The following DENND4B variants were observed in gnomAD, a reference collection of about 807,000 sequenced individuals.
DENND4B encodes DENN domain-containing protein 4B.
In DENND4B, 67 loss-of-function variants were observed where a neutral mutation model predicts 161.0. The ratio of observed to expected loss-of-function variants is 0.42; its 90% CI spans 0.34 to 0.51. The LOEUF (loss-of-function observed/expected upper bound fraction) is 0.51, where lower values mean the gene tolerates loss of function less well. Among genes scored for constraint, DENND4B ranks in the 20% least tolerant of loss-of-function variants. The probability of loss-of-function intolerance (pLI) is 0.08; values close to 1 mark genes in which losing one functional copy is unlikely to be tolerated. For missense variants in DENND4B, 1,481 were observed against 1,968.0 expected, an observed-to-expected ratio of 0.75 and a Z score of 4.68; for synonymous variants, 753 against 813.8, an observed-to-expected ratio of 0.93 and a Z score of 1.27.
chr1:153,944,283 A>G lies in DENND4B; in HGVS notation c.92T>C (p.Val31Ala). The change falls in exon 2 of 28, where the codon GTT becomes GCT. Residue 31 changes from valine (V) to alanine (A), a missense_variant. Val to Ala is a moderately conservative substitution (Grantham distance 64, BLOSUM62 0). Transcript: ENST00000361217. This position sits in a 1 kb window ranked among gnomAD's most constrained non-coding sequence, Gnocchi z 4.8. ...NGAPIPEETW[V>A]PEPSGPLRPP... ...GCGCAGGGGCCCACTGGGTTCAGGA[A>G]CCCACGTTTCCTCAGGGATGGGTGC... The G allele has an allele frequency of 6.2e-7, 1 of 1,603,624 alleles. No homozygotes were observed. Among genetic ancestry groups the G allele is most frequent in the Non-Finnish European group, 8.5e-7 (1 of 1,174,156 alleles).
Position 153,944,240 on chromosome 1 carries a change from C to A in DENND4B, c.135G>T (p.Glu45Asp), listed in dbSNP as rs1679840339. ...SGPLRPPRPA[E>D]PITDVAVIAR... ...CGATGACTGCCACATCTGTGATGGG[C>A]TCAGCTGGCCGGGGAGGGCGCAGGG... Residue 45 changes from glutamate (E) to aspartate (D), a missense_variant, in exon 2 of 28, where the codon GAG becomes GAT. By Grantham distance (45) the Glu-to-Asp change is conservative (BLOSUM62 2). This residue lies in a region of DENND4B where 806 missense variants were observed against 1,134.4 expected (regional missense o/e 0.71). Coordinates refer to ENST00000361217, the MANE Select transcript of DENND4B (RefSeq NM_014856.3). The surrounding 1 kb of genome is among the most constrained non-coding windows in gnomAD (Gnocchi z 4.8). 1 of 1,602,432 alleles carries A rather than the reference C, an allele frequency of 6.2e-7. No individual in the cohort carries two copies. The highest frequency in any genetic ancestry group is 1.3e-5 in the African/African-American group (1 of 74,800).
intron 13 of DENND4B, 88 bp downstream of exon 13, chr1:153,938,812 G>A: frequency 2.8e-6 from 4 of 1,422,660 alleles, no homozygotes; most frequent in Non-Finnish European, 3.9e-6. Context: ...CCCTGAACAT[G>A]CCCGATTCCG....
chr1:153,934,683 G>A lies in DENND4B; in HGVS notation c.2773+77C>T. 1.3e-6 allele frequency: 2 copies of A among 1,534,744 alleles called. No homozygotes were observed. The highest frequency in any genetic ancestry group is 4.2e-4 in the Middle Eastern group (2 of 4,732). ...AAACCCAATGCCAACCATTAGACCA[G>A]CCCCAACTCTCTATGCCTTTCCCTG... On this transcript the variant is annotated intron_variant, in intron 18 of 27. Coordinates refer to ENST00000361217, the MANE Select transcript of DENND4B (RefSeq NM_014856.3). The surrounding 1 kb of genome is among the most constrained non-coding windows in gnomAD (Gnocchi z 5.3).
In DENND4B at chr1:153,931,206, A is replaced by G. The variant is rs1678905030; in HGVS notation, c.3997-142T>C. ...AGTGGGAAAGGAATTCTTATCCCCC[A>G]CAAGAATGTAAGCTCTTGAGAGCAG... On this transcript the variant is annotated intron_variant, in intron 24 of 27. Transcript: ENST00000361217. The G allele has an allele frequency of 1.7e-5, 12 of 695,304 alleles. No homozygotes were observed. The East Asian group carries it at 3.3e-4, about 19-fold the overall frequency. 43.1% of individuals were successfully genotyped at this position (695,304 alleles called of 1,614,324 possible). A position where few individuals can be genotyped will look rare whatever the true frequency, so the allele number is the denominator to read the frequency against.
intron 12 of DENND4B, among the ~76,000 whole-genome samples, 156 bp from the exon 13 acceptor site, chr1:153,939,201 C>T (rs565903927): frequency 6.6e-6 from 1 of 152,152 alleles, no homozygotes. Context: ...ACCAGGCTGA[C>T]CAGCTCAGCA....
At chr1:153,939,901 G>C (rs1295814838) in intron 11 of DENND4B, 97 bp from the exon 12 acceptor site, 1 of 1,243,720 alleles carries the variant, frequency 8.0e-7, no homozygotes, top group African/African-American at 1.5e-5. Context: ...GCCTCTGGCA[G>C]ACCTTGCACC....
rs373354599 is a variant in DENND4B at position 153,930,722 on chromosome 1, C to T, written c.4250G>A (p.Gly1417Glu). ...KAVGLLLETLGPPPTGLHLQR... is the reference protein window; with the variant it reads ...KAVGLLLETLEPPPTGLHLQR... Reference sequence around the variant, plus strand: ...CAGGTGCAGGCCAGTGGGTGGGGGCCCTAGAGTTTCCAGCAGGAGCCCCAC... The same window carrying T: ...CAGGTGCAGGCCAGTGGGTGGGGGCTCTAGAGTTTCCAGCAGGAGCCCCAC... The change falls in exon 26 of 28, where the codon GGG becomes GAG. Residue 1417 changes from glycine to glutamate, a missense_variant. Gly to Glu is a moderately conservative substitution (Grantham distance 98). Around this residue, in one of 3 missense-constraint regions of DENND4B, gnomAD observed 336 missense variants for 503.3 expected, o/e 0.67. Coordinates refer to ENST00000361217, the MANE Select transcript of DENND4B (RefSeq NM_014856.3). This position sits in a 1 kb window ranked among gnomAD's most constrained non-coding sequence, Gnocchi z 4.7. 4.3e-6 allele frequency: 7 copies of T among 1,611,508 alleles called. No homozygotes were observed. Among genetic ancestry groups the T allele is most frequent in the Non-Finnish European group, 3.4e-6 (4 of 1,178,664 alleles).
Position 153,940,114 on chromosome 1 carries a change from C to G in DENND4B, c.1603+42G>C. 6.7e-7 allele frequency: 1 copy of G among 1,492,890 alleles called. No individual in the cohort carries two copies. The highest frequency in any genetic ancestry group is 1.3e-5 in the South Asian group (1 of 74,988). 92.5% of individuals were successfully genotyped at this position (1,492,890 alleles called of 1,614,324 possible). A position where few individuals can be genotyped will look rare whatever the true frequency, so the allele number is the denominator to read the frequency against. On this transcript the variant is annotated intron_variant, in intron 11 of 27. Coordinates refer to ENST00000361217, the MANE Select transcript of DENND4B (RefSeq NM_014856.3). The surrounding 1 kb of genome is among the most constrained non-coding windows in gnomAD (Gnocchi z 5.6). ...CCTCTGCAAACTGGAGGTTTGAGGG[C>G]AATGACAGTTCCCAGCCTCCCTCCC...
rs1368663618 is a variant in DENND4B, at chr1:153,937,303, A to G, written c.2232+185T>C. On this transcript the variant is annotated intron_variant, in intron 15 of 27. Coordinates refer to ENST00000361217, the MANE Select transcript of DENND4B (RefSeq NM_014856.3). This position sits in a 1 kb window ranked among gnomAD's most constrained non-coding sequence, Gnocchi z 4.7. ...GAAGACGGAGGTGATGATGATGATG[A>G]TAATGACAGTGATAATAGCAACTAA... Among the ~76,000 whole-genome samples, 1 of 152,252 alleles carries G rather than the reference A, an allele frequency of 6.6e-6. No homozygotes were observed. The highest frequency in any genetic ancestry group is 1.5e-5 in the Non-Finnish European group (1 of 68,048).
At position 153,932,258 on chromosome 1, in the gene DENND4B, G is replaced by A. The variant is rs764755142; in HGVS notation, c.3942C>T (p.Pro1314=). The change falls in exon 24 of 28, where the codon CCC becomes CCT. Residue 1314 remains proline, a synonymous_variant. Transcript: ENST00000361217. This position sits in a 1 kb window ranked among gnomAD's most constrained non-coding sequence, Gnocchi z 5.8. ...CCAGCACCAGGCCTGGTAGAATACTGGGCAGGCGTAGCCGTTGGAAATACC... is the reference window on the plus strand; with the variant it reads ...CCAGCACCAGGCCTGGTAGAATACTAGGCAGGCGTAGCCGTTGGAAATACC... ...LLWYFQRLRL[P]SILPGLVLAS... is the part of the protein sequence containing the mutation. 10 of 1,613,862 alleles carry A rather than the reference G, an allele frequency of 6.2e-6. No homozygotes were observed. The highest frequency in any genetic ancestry group is 5.1e-6 in the Non-Finnish European group (6 of 1,179,888).
intron 12 of DENND4B, among the ~76,000 whole-genome samples, 193 bp from the exon 13 acceptor site, chr1:153,939,238 C>A (rs1679529773): frequency 6.6e-6 from 1 of 151,976 alleles, no homozygotes; most frequent in Non-Finnish European, 1.5e-5. Flanking sequence ...CCTAGAGAAT[C>A]CCTCCCTTTG....
Position 153,934,687 on chromosome 1 carries a change from C to T in DENND4B, c.2773+73G>A. 1 of 1,539,318 alleles carries T rather than the reference C, an allele frequency of 6.5e-7. No individual in the cohort carries two copies. The highest frequency in any genetic ancestry group is 8.7e-7 in the Non-Finnish European group (1 of 1,143,420). On this transcript the variant is annotated intron_variant, in intron 18 of 27. Transcript: ENST00000361217. This position sits in a 1 kb window ranked among gnomAD's most constrained non-coding sequence, Gnocchi z 5.3. ...CCAATGCCAACCATTAGACCAGCCC[C>T]AACTCTCTATGCCTTTCCCTGCCTG...
Position 153,934,830 on chromosome 1 carries a change from T to TGCTGCTGC in DENND4B, c.2702_2703insGCAGCAGC (p.Gln904HisfsTer48), listed in dbSNP as rs375088543. The TGCTGCTGC allele has an allele frequency of 2.2e-4, 285 of 1,285,122 alleles. No individual in the cohort carries two copies. The highest frequency in any genetic ancestry group is 1.9e-3 in the South Asian group (145 of 76,098). The allele number at this position is 1,285,122 out of a possible 1,614,324, so 79.6% of individuals were successfully genotyped here. On this transcript the variant is annotated frameshift_variant, in exon 18 of 28. Coordinates refer to ENST00000361217, the MANE Select transcript of DENND4B (RefSeq NM_014856.3). LOFTEE classifies it high-confidence loss of function. This position sits in a 1 kb window ranked among gnomAD's most constrained non-coding sequence, Gnocchi z 5.3. ...GCTGCTGCTGCTGCTGCTGCTGCTG[T>TGCTGCTGC]TGCTGCTGCTGCTGCTGTTGCCGTT...
Position 153,944,384 on chromosome 1 carries a change from C to G in DENND4B, c.-10G>C. 1 of 1,599,332 alleles carries G rather than the reference C, an allele frequency of 6.3e-7. No individual in the cohort carries two copies. The highest frequency in any genetic ancestry group is 8.5e-7 in the Non-Finnish European group (1 of 1,173,636). ...GCCGCTCCTCCGCCATGGCCCCCCC[C>G]TCACTCACTGCATCTGGAATGGTCA... On this transcript the variant is annotated 5_prime_UTR_variant, in exon 2 of 28. Transcript: ENST00000361217. This position sits in a 1 kb window ranked among gnomAD's most constrained non-coding sequence, Gnocchi z 4.8.
Position 153,935,110 on chromosome 1 carries a change from C to T in DENND4B, c.2569-146G>A, listed in dbSNP as rs892680017. On this transcript the variant is annotated intron_variant, in intron 17 of 27. Coordinates refer to ENST00000361217, the MANE Select transcript of DENND4B (RefSeq NM_014856.3). Reference sequence around the variant, plus strand: ...GTCCGGCCAATGGCTCAGCCAGGAACAAGAGCCCAGAAGAGACAGTAGGCA... The same window carrying T: ...GTCCGGCCAATGGCTCAGCCAGGAATAAGAGCCCAGAAGAGACAGTAGGCA... 9.0e-6 allele frequency: 13 copies of T among 1,443,290 alleles called. No homozygotes were observed. In the African/African-American group the frequency reaches 1.4e-4, roughly 16 times the overall value. The allele number at this position is 1,443,290 out of a possible 1,614,324, so 89.4% of individuals were successfully genotyped here. A position where few individuals can be genotyped will look rare whatever the true frequency, so the allele number is the denominator to read the frequency against.
chr1:153,933,389 C>T lies in DENND4B; in HGVS notation c.3331-70G>A. 1 of 1,608,190 alleles carries T rather than the reference C, an allele frequency of 6.2e-7. No individual in the cohort carries two copies. The highest frequency in any genetic ancestry group is 1.3e-5 in the African/African-American group (1 of 74,862). ...CCACCCAGGATATGTGTTTCAAGCACCCCTCAGAGCCCCCTTTTTGAGCAT... is the reference window on the plus strand; with the variant it reads ...CCACCCAGGATATGTGTTTCAAGCATCCCTCAGAGCCCCCTTTTTGAGCAT... On this transcript the variant is annotated intron_variant, in intron 20 of 27. Transcript: ENST00000361217. The surrounding 1 kb of genome is among the most constrained non-coding windows in gnomAD (Gnocchi z 5.7).
chr1:153,940,405 C>T lies in DENND4B; in HGVS notation c.1502+26G>A. The T allele has an allele frequency of 6.2e-7, 1 of 1,606,162 alleles. No homozygotes were observed. The highest frequency in any genetic ancestry group is 8.5e-7 in the Non-Finnish European group (1 of 1,175,874). On this transcript the variant is annotated intron_variant, in intron 10 of 27. Coordinates refer to ENST00000361217, the MANE Select transcript of DENND4B (RefSeq NM_014856.3). This position sits in a 1 kb window ranked among gnomAD's most constrained non-coding sequence, Gnocchi z 5.6. ...CCCATTCCTGCCCACCACCCTGCAGCCCCCAAATGAGACCCAGCCTCTTAC... is the reference window on the plus strand; with the variant it reads ...CCCATTCCTGCCCACCACCCTGCAGTCCCCAAATGAGACCCAGCCTCTTAC...
At chr1:153,941,160 G>A (rs1679641814) in intron 8 of DENND4B, 71 bp downstream of exon 8, 1 of 1,591,980 alleles carries the variant, frequency 6.3e-7, no homozygotes, top group Non-Finnish European at 8.5e-7. Context: ...CTCAACAGCT[G>A]CACCCACCTG....
In DENND4B at chr1:153,942,669, A is replaced by C. The variant is rs1452021594; in HGVS notation, c.571-44T>G. 6 of 1,536,816 alleles carry C rather than the reference A, an allele frequency of 3.9e-6. No individual in the cohort carries two copies. The highest frequency in any genetic ancestry group is 5.2e-6 in the Non-Finnish European group (6 of 1,143,760). Reference sequence around the variant, plus strand: ...GAGACAAGCAGATACATAGCTAACAAAGGTTTCTGGGGTCCACTTTCTCTC... The same window carrying C: ...GAGACAAGCAGATACATAGCTAACACAGGTTTCTGGGGTCCACTTTCTCTC... On this transcript the variant is annotated intron_variant, in intron 3 of 27. Coordinates refer to ENST00000361217, the MANE Select transcript of DENND4B (RefSeq NM_014856.3). The surrounding 1 kb of genome is among the most constrained non-coding windows in gnomAD (Gnocchi z 6.9).
Sources: allele counts gnomAD v4.1 joint callset (sites outside exome capture counted in the v4.1 genomes callset), GRCh38; gene constraint gnomAD v4.1.1; regional missense constraint gnomAD v4.1.1; non-coding constraint Gnocchi (gnomAD v3.1); transcripts MANE v1.5; gene names NCBI Gene and HGNC (gene_info 2026-07-23, HGNC 2026-07-21).